Variants in B4GALT1 observed in about 807,000 individuals in gnomAD.
The protein encoded by B4GALT1 is beta-1,4-galactosyltransferase 1.
A neutral mutation model predicts 34.9 loss-of-function variants in B4GALT1; 16 were observed. The ratio of observed to expected loss-of-function variants is 0.46; its 90% confidence interval spans 0.31 to 0.70. The LOEUF (loss-of-function observed/expected upper bound fraction) is 0.70, where lower values mean the gene tolerates loss of function less well. Among genes scored for constraint, B4GALT1 ranks in the 30% least tolerant of loss-of-function variants. B4GALT1 has a pLI of 0.05. For synonymous variants in B4GALT1, 221 were observed against 218.1 expected (o/e 1.01, Z -0.12); for missense variants, 445 against 530.5 (o/e 0.84, Z 1.58).
chr9:33,168,500 A>G (rs1840805348), upstream of B4GALT1, among the ~76,000 whole-genome samples: 1 of 152,352 alleles, frequency 6.6e-6, no homozygotes, highest in East Asian at 1.9e-4. Context: ...TGCCAGTACT[A>G]TCTGCCATGA....
At chr9:33,110,050 G>C (rs1453349631), downstream of B4GALT1, among the ~76,000 whole-genome samples, 1 of 152,244 alleles carries the variant, frequency 6.6e-6, no homozygotes, top group Admixed American at 6.5e-5. Context: ...GCAGTGACAT[G>C]CAGGCAGGGC....
intron 1 of B4GALT1, among the ~76,000 whole-genome samples, chr9:33,141,739 T>C (rs1221669853): frequency 2.0e-5 from 3 of 152,184 alleles, no homozygotes; most frequent in East Asian, 1.9e-4. Context: ...TTGTGTCCAC[T>C]TGGCTGCCAT....
Position 33,167,237 on chromosome 9 carries a change from G to A in B4GALT1, c.-68C>T, listed in dbSNP as rs988609080. ...GAGGCGACCCGCCCGCGGGCCGCCC[G>A]CCAGGCGCTGCCCCACAGCGGCGAC... On this transcript the variant is annotated 5_prime_UTR_variant, in exon 1 of 6. Transcript: ENST00000379731. The A allele has an allele frequency of 2.3e-5, 33 of 1,444,340 alleles. No homozygotes were observed. Among genetic ancestry groups the A allele is most frequent in the Admixed American group, 2.2e-4 (8 of 36,154 alleles). The allele number at this position is 1,444,340 out of a possible 1,614,324, so 89.5% of individuals were successfully genotyped here.
intron 1 of B4GALT1, among the ~76,000 whole-genome samples, chr9:33,160,997 C>A (rs939884121): frequency 6.6e-6 from 1 of 151,312 alleles, no homozygotes; most frequent in Non-Finnish European, 1.5e-5. Flanking sequence ...ATCCCTATCC[C>A]CAACATCTCT....
At position 33,135,133 on chromosome 9, in the gene B4GALT1, T is replaced by C. The variant is rs1840247386; in HGVS notation, c.648+56A>G. 4 of 1,516,704 alleles carry C rather than the reference T, an allele frequency of 2.6e-6. No individual in the cohort carries two copies. In the African/African-American group the frequency reaches 4.1e-5, roughly 16 times the overall value. The allele number at this position is 1,516,704 out of a possible 1,614,324, so 94.0% of individuals were successfully genotyped here. A position where few individuals can be genotyped will look rare whatever the true frequency, so the allele number is the denominator to read the frequency against. ...CCCCTGCCCTCATTACACACACATC[T>C]GATACACATCTGCATGCACACACAC... On this transcript the variant is annotated intron_variant, in intron 2 of 5. Transcript: ENST00000379731.
chr9:33,115,263 A>G (rs2118024347), intron 4 of B4GALT1, among the ~76,000 whole-genome samples: 1 of 152,370 alleles, frequency 6.6e-6, no homozygotes, highest in South Asian at 2.1e-4. Flanking sequence ...CAATTTAGAA[A>G]GGCTGCACCA....
chr9:33,176,257 T>G, the B4GALT1 span, among the ~76,000 whole-genome samples: 2 of 152,240 alleles, frequency 1.3e-5, no homozygotes. Context: ...TCTTTTCATG[T>G]TGAACTATCT....
chr9:33,183,837 A>T, the B4GALT1 span, among the ~76,000 whole-genome samples: 1 of 152,178 alleles, frequency 6.6e-6, no homozygotes, highest in African/African-American at 2.4e-5. Context: ...CTATGCAGCC[A>T]TAAAAAAGGA....
upstream of B4GALT1, among the ~76,000 whole-genome samples, chr9:33,169,865 A>G (rs1354715546): frequency 6.6e-6 from 1 of 151,214 alleles, no homozygotes. Context: ...ACTACCCAAC[A>G]TTATGCATTT....
chr9:33,122,744 G>A (rs1840039641), intron 2 of B4GALT1, among the ~76,000 whole-genome samples: 1 of 152,218 alleles, frequency 6.6e-6, no homozygotes, highest in Non-Finnish European at 1.5e-5. Flanking sequence ...CCCGCGTGGT[G>A]AGTGAAGGAG....
intron 2 of B4GALT1, among the ~76,000 whole-genome samples, chr9:33,126,661 C>CT (rs1564040681): frequency 2.2e-4 from 8 of 37,104 alleles, no homozygotes; most frequent in Non-Finnish European, 3.9e-4. Context: ...TTAACCATAG[C>CT]AATATGGTAG....
chr9:33,124,901 A>G (rs967186952), intron 2 of B4GALT1, among the ~76,000 whole-genome samples: 3 of 152,034 alleles, frequency 2.0e-5, no homozygotes, highest in African/African-American at 7.2e-5. Context: ...AGTCAGGGGG[A>G]CCTCTGGAGG....
intron 2 of B4GALT1, among the ~76,000 whole-genome samples, chr9:33,127,014 T>C (rs957408067): frequency 1.9e-4 from 29 of 152,106 alleles, no homozygotes; most frequent in African/African-American, 7.0e-4. Flanking sequence ...CAGGCTGGAG[T>C]GCAGTGGCGC....
At chr9:33,116,473 C>T (rs1839940182) in intron 3 of B4GALT1, among the ~76,000 whole-genome samples, 2 of 149,592 alleles carry the variant, frequency 1.3e-5, no homozygotes, top group South Asian at 2.1e-4. Context: ...CCACCGGCCT[C>T]GGCCTCCCAA....
chr9:33,158,673 G>A lies in B4GALT1; in HGVS notation c.412+8085C>T, dbSNP rs186066661. Among the ~76,000 whole-genome samples, 645 of 152,284 alleles carry A rather than the reference G, an allele frequency of 4.2e-3. 6 individuals are homozygous for A. The highest frequency in any genetic ancestry group is 0.031 in the Middle Eastern group (9 of 294). On this transcript the variant is annotated intron_variant, in intron 1 of 5. Transcript: ENST00000379731. ...GAGATGCTAAAATCAACGTCTGGAA[G>A]AGAGGTCCTTCATTCTGACTCTGGC... is the stretch of plus-strand genomic sequence containing the variant.
the B4GALT1 span, among the ~76,000 whole-genome samples, chr9:33,173,235 C>T: frequency 6.6e-6 from 1 of 152,160 alleles, no homozygotes; most frequent in Non-Finnish European, 1.5e-5. Context: ...GAAACCCCAT[C>T]TCTACCAAAA....
At chr9:33,134,875 T>C (rs1840243803) in intron 2 of B4GALT1, among the ~76,000 whole-genome samples, 1 of 152,236 alleles carries the variant, frequency 6.6e-6, no homozygotes, top group South Asian at 2.1e-4. Flanking sequence ...AGCCAGGGAA[T>C]AATCAGTGTG....
intron 2 of B4GALT1, among the ~76,000 whole-genome samples, chr9:33,133,091 C>T (rs1338363578): frequency 1.3e-5 from 2 of 152,080 alleles, no homozygotes; most frequent in Non-Finnish European, 1.5e-5. Context: ...TTAGTAGAGA[C>T]GGGGTTTCGC....
At chr9:33,105,787 A>G (rs563843725), downstream of B4GALT1, among the ~76,000 whole-genome samples, 44 of 150,800 alleles carry the variant, frequency 2.9e-4, no homozygotes, top group African/African-American at 1.0e-3. Context: ...TCTGAGTTGT[A>G]GTATATGTCA....
Sources: gnomAD v4.1 joint callset for allele counts (sites outside exome capture counted in the v4.1 genomes callset) on GRCh38, gnomAD v4.1.1 for gene constraint, MANE v1.5 for transcripts, NCBI Gene and HGNC (gene_info 2026-07-23, HGNC 2026-07-21) for gene names.